The following WDR59 variants were observed in gnomAD, a reference collection of about 807,000 sequenced individuals.
WDR59 encodes the protein WD repeat domain 59.
WDR59 carries 100 observed loss-of-function variants against 131.2 expected under a neutral mutation model. The observed-to-expected ratio is 0.76, with a 90% CI of 0.65 to 0.90. The LOEUF is 0.90. Ranked by LOEUF, WDR59 falls within the 40% of genes least tolerant of loss-of-function variation. The pLI is 0.00. For missense variants in WDR59, 1,203 were observed against 1,262.2 expected (o/e 0.95, Z 0.71); for synonymous variants, 601 against 466.2 (o/e 1.29, Z -3.72).
chr16:74,903,445 G>C (rs1488098955), intron 18 of WDR59, among the ~76,000 whole-genome samples: 2 of 151,652 alleles, frequency 1.3e-5, no homozygotes, highest in East Asian at 3.9e-4. Flanking sequence ...GGTGATTTTT[G>C]TATCATCTGG....
chr16:74,922,989 C>T (rs1030442650), intron 9 of WDR59, among the ~76,000 whole-genome samples: 16 of 152,156 alleles, frequency 1.1e-4, no homozygotes, highest in Admixed American at 1.3e-4. Context: ...TACATTATCT[C>T]TCACCCGTGT....
chr16:74,972,046 T>C (rs1453784693), intron 1 of WDR59, among the ~76,000 whole-genome samples: 2 of 152,176 alleles, frequency 1.3e-5, no homozygotes, highest in Non-Finnish European at 2.9e-5. Context: ...TCCTCCTCAA[T>C]TGTAGGAAAA....
At chr16:74,964,703 G>T (rs905385053) in intron 2 of WDR59, among the ~76,000 whole-genome samples, 4 of 152,014 alleles carry the variant, frequency 2.6e-5, no homozygotes, top group Non-Finnish European at 5.9e-5. Context: ...GATCCTAGAG[G>T]TAAGGACTGT....
chr16:74,928,437 T>C (rs1477885681), intron 8 of WDR59, among the ~76,000 whole-genome samples: 1 of 150,818 alleles, frequency 6.6e-6, no homozygotes, highest in Non-Finnish European at 1.5e-5. Context: ...CAGGCTGGTC[T>C]TGAACTCCTG....
intron 10 of WDR59, among the ~76,000 whole-genome samples, chr16:74,920,562 G>A (rs1210245077): frequency 1.3e-5 from 2 of 152,084 alleles, no homozygotes; most frequent in African/African-American, 4.8e-5. Context: ...TGCCACACCT[G>A]GCTCATTTTT....
chr16:74,927,405 TG>T (rs1258677630), intron 8 of WDR59, among the ~76,000 whole-genome samples: 13 of 151,890 alleles, frequency 8.6e-5, no homozygotes, highest in Admixed American at 4.6e-4. Flanking sequence ...CTGGCCAACA[TG>T]GCAAAACCCC....
At chr16:74,892,425 T>A in intron 20 of WDR59, 59 bp downstream of exon 20, 1 of 1,401,482 alleles carries the variant, frequency 7.1e-7, no homozygotes, top group Non-Finnish European at 1.0e-6. Flanking sequence ...AATGACAAAG[T>A]AAAAACAATT....
intron 1 of WDR59, among the ~76,000 whole-genome samples, chr16:74,980,094 G>C (rs1170565534): frequency 6.7e-6 from 1 of 150,296 alleles, no homozygotes; most frequent in Non-Finnish European, 1.5e-5. Flanking sequence ...TCCTGACACA[G>C]GTGATCCACC....
intron 1 of WDR59, among the ~76,000 whole-genome samples, chr16:74,978,179 C>G (rs370385971): frequency 6.6e-6 from 1 of 152,090 alleles, no homozygotes; most frequent in Admixed American, 6.6e-5. Flanking sequence ...GATGGTTAGC[C>G]AGGCGTGGTG....
At chr16:74,892,218 A>G (rs1387851300) in intron 20 of WDR59, among the ~76,000 whole-genome samples, 2 of 152,252 alleles carry the variant, frequency 1.3e-5, no homozygotes, top group Non-Finnish European at 2.9e-5. Context: ...TTAGCTACAC[A>G]GCAATCACTG....
At chr16:74,885,450 A>G (rs1964707975) in intron 25 of WDR59, among the ~76,000 whole-genome samples, 1 of 106,040 alleles carries the variant, frequency 9.4e-6, no homozygotes, top group Non-Finnish European at 2.0e-5. Flanking sequence ...TTCCATCTCA[A>G]AAAAAAAAAA....
At chr16:74,930,640 C>A (rs866540798) in intron 8 of WDR59, 18 of 151,616 alleles carry the variant, frequency 1.2e-4, no homozygotes, top group African/African-American at 4.4e-4. Flanking sequence ...CTCCTGTAAC[C>A]CCACTACTTT....
intron 25 of WDR59, among the ~76,000 whole-genome samples, chr16:74,882,000 T>G (rs1018081499): frequency 6.6e-6 from 1 of 152,224 alleles, no homozygotes; most frequent in African/African-American, 2.4e-5. Flanking sequence ...TTTATTGGAA[T>G]TAGGATACAT....
intron 1 of WDR59, among the ~76,000 whole-genome samples, chr16:74,976,674 C>T (rs932607340): frequency 8.5e-5 from 13 of 152,244 alleles, no homozygotes; most frequent in African/African-American, 2.9e-4. Flanking sequence ...ATCTTCTGAC[C>T]TTGTGATCCG....
rs79373931 is a variant in WDR59 at position 74,925,121 on chromosome 16, G to A, written c.652-1118C>T. Among the ~76,000 whole-genome samples, 729 of 152,180 alleles carry A rather than the reference G, an allele frequency of 4.8e-3. 2 individuals are homozygous for A. Among genetic ancestry groups the A allele is most frequent in the Admixed American group, 0.01 (154 of 15,280 alleles). On this transcript the variant is annotated intron_variant, in intron 8 of 25. Coordinates refer to ENST00000262144, the MANE Select transcript of WDR59 (RefSeq NM_030581.4). ...TAAATGAGTCAACAGAAAATTAATGGTGGCATATACATAAGTGGAATACTA... is the reference window on the plus strand; with the variant it reads ...TAAATGAGTCAACAGAAAATTAATGATGGCATATACATAAGTGGAATACTA...
At chr16:74,902,832 A>C (rs1352143312) in intron 18 of WDR59, among the ~76,000 whole-genome samples, 1 of 152,118 alleles carries the variant, frequency 6.6e-6, no homozygotes, top group Non-Finnish European at 1.5e-5. Flanking sequence ...GATATAGATT[A>C]GTGGGTGTTC....
intron 10 of WDR59, among the ~76,000 whole-genome samples, chr16:74,920,407 T>C (rs988053386): frequency 1.3e-5 from 2 of 152,050 alleles, no homozygotes; most frequent in South Asian, 2.1e-4. Context: ...AATATATATA[T>C]ATATTTTTTC....
At chr16:74,984,804 C>G (rs1208385200) in intron 1 of WDR59, 160 bp downstream of exon 1, 4 of 1,010,444 alleles carry the variant, frequency 4.0e-6, no homozygotes, top group African/African-American at 1.6e-5. Context: ...GGTCGTCTTC[C>G]CTCCCCCGAC....
chr16:74,958,248 A>G (rs1467543973), intron 2 of WDR59, among the ~76,000 whole-genome samples: 1 of 152,078 alleles, frequency 6.6e-6, no homozygotes, highest in Non-Finnish European at 1.5e-5. Context: ...GACAAAGAAA[A>G]TGAGACAGGA....
Sources: gnomAD v4.1 joint callset for allele counts (sites outside exome capture counted in the v4.1 genomes callset) on GRCh38, gnomAD v4.1.1 for gene constraint, MANE v1.5 for transcripts, NCBI Gene and HGNC (gene_info 2026-07-23, HGNC 2026-07-21) for gene names.